The following DHRS7B variants were observed in gnomAD, a reference collection of about 807,000 sequenced individuals.
DHRS7B encodes peroxisomal reductase activating PPAR-gamma.
DHRS7B carries 24 observed loss-of-function variants against 26.4 expected under a neutral mutation model. That is an observed-to-expected ratio of 0.91 (90% CI 0.66 to 1.28). The LOEUF (loss-of-function observed/expected upper bound fraction) is 1.28, where lower values mean the gene tolerates loss of function less well. Among genes scored for constraint, DHRS7B ranks in the 50% most tolerant of loss-of-function variants. The pLI is 0.00. For synonymous variants in DHRS7B, 142 were observed against 166.4 expected, an observed-to-expected ratio of 0.85 and a Z score of 1.13; for missense variants, 368 against 419.4, an observed-to-expected ratio of 0.88 and a Z score of 1.07.
chr17:21,160,521 T>C (rs1168721285), intron 1 of DHRS7B, among the ~76,000 whole-genome samples: 2 of 152,092 alleles, frequency 1.3e-5, no homozygotes, highest in African/African-American at 4.8e-5. Flanking sequence ...AAAATGACAG[T>C]GAGATACCAC....
chr17:21,152,659 C>G (rs1202562952), intron 1 of DHRS7B, among the ~76,000 whole-genome samples: 1 of 152,188 alleles, frequency 6.6e-6, no homozygotes, highest in Non-Finnish European at 1.5e-5. Context: ...TGAAATATGC[C>G]AGAGCATTCT....
intron 1 of DHRS7B, chr17:21,166,463 C>T (rs943921521): frequency 3.0e-6 from 3 of 985,032 alleles, no homozygotes; most frequent in African/African-American, 3.5e-5. Context: ...AAGGTAGCTG[C>T]CATCTGAGGT....
intron 1 of DHRS7B, among the ~76,000 whole-genome samples, chr17:21,148,083 T>C (rs993364902): frequency 2.0e-4 from 30 of 152,052 alleles, no homozygotes; most frequent in Non-Finnish European, 2.9e-5. Context: ...TTGAAATTTA[T>C]TTTATACTTT....
intron 1 of DHRS7B, among the ~76,000 whole-genome samples, chr17:21,167,032 A>G (rs1218441184): frequency 6.6e-6 from 1 of 151,914 alleles, no homozygotes; most frequent in East Asian, 1.9e-4. Flanking sequence ...AATGCTCGAG[A>G]GAAAGGAATC....
At chr17:21,137,865 T>C (rs1466811964) in intron 1 of DHRS7B, among the ~76,000 whole-genome samples, 1 of 149,822 alleles carries the variant, frequency 6.7e-6, no homozygotes, top group Non-Finnish European at 1.5e-5. Flanking sequence ...CCCATAGTTC[T>C]GGGATTACAG....
In DHRS7B at chr17:21,150,392, G is replaced by A. The variant is rs1260216966; in HGVS notation, c.21-21626G>A. 4.6e-5 allele frequency among the ~76,000 whole-genome samples: 7 copies of A among 152,142 alleles called. No homozygotes were observed. In the East Asian group the frequency reaches 1.3e-3, roughly 29 times the overall value. On this transcript the variant is annotated intron_variant, in intron 1 of 6. Transcript: ENST00000395511. Reference sequence around the variant, plus strand: ...AGCACTTTGGGAGGCTGAGGCGGGTGGATCACCTGAGGTCAGGAGTTTGAG... The same window carrying A: ...AGCACTTTGGGAGGCTGAGGCGGGTAGATCACCTGAGGTCAGGAGTTTGAG...
At chr17:21,163,159 G>T (rs1487365424) in intron 1 of DHRS7B, among the ~76,000 whole-genome samples, 1 of 150,632 alleles carries the variant, frequency 6.6e-6, no homozygotes, top group Non-Finnish European at 1.5e-5. Flanking sequence ...TCGCGCCACT[G>T]CACTACAGCC....
intron 1 of DHRS7B, among the ~76,000 whole-genome samples, chr17:21,134,335 A>G (rs141180271): frequency 2.0e-5 from 3 of 152,308 alleles, no homozygotes; most frequent in Non-Finnish European, 4.4e-5. Context: ...CTTGTTCCAT[A>G]GGAGGAATCT....
Position 21,183,749 on chromosome 17 carries a change from A to G in DHRS7B, c.465A>G (p.Thr155=). ...ACCGTGGTACCATCATGGACACCAC[A>G]GTGGATGTGGACAAGAGGGTCATGG... The part of the protein sequence containing the change: ...ISYRGTIMDT[T]VDVDKRVMET... The change falls in exon 4 of 7, where the codon ACA becomes ACG. Residue 155 remains threonine, a synonymous_variant. Transcript: ENST00000395511. 1 of 1,614,260 alleles carries G rather than the reference A, an allele frequency of 6.2e-7. No homozygotes were observed. The highest frequency in any genetic ancestry group is 8.5e-7 in the Non-Finnish European group (1 of 1,180,048).
chr17:21,155,997 G>C (rs1048401693), intron 1 of DHRS7B, among the ~76,000 whole-genome samples: 4 of 152,126 alleles, frequency 2.6e-5, no homozygotes, highest in Admixed American at 2.6e-4. Flanking sequence ...TTGAATGTAT[G>C]TATTAGAAAA....
intron 1 of DHRS7B, among the ~76,000 whole-genome samples, chr17:21,150,219 T>G (rs757795629): frequency 6.6e-6 from 1 of 150,924 alleles, no homozygotes; most frequent in Non-Finnish European, 1.5e-5. Context: ...CTGGTAAATC[T>G]CCTAGAAAAC....
chr17:21,133,109 A>G (rs1973274332), intron 1 of DHRS7B, among the ~76,000 whole-genome samples: 1 of 152,236 alleles, frequency 6.6e-6, no homozygotes, highest in South Asian at 2.1e-4. Flanking sequence ...TGTGTATTTC[A>G]GTGTCTGGCA....
chr17:21,183,611 T>G lies in DHRS7B; in HGVS notation c.327T>G (p.Pro109=). 1 of 1,613,294 alleles carries G rather than the reference T, an allele frequency of 6.2e-7. No homozygotes were observed. The highest frequency in any genetic ancestry group is 1.1e-5 in the South Asian group (1 of 91,042). The change falls in exon 4 of 7, where the codon CCT becomes CCG. Residue 109 remains proline, a synonymous_variant. Transcript: ENST00000395511. The stretch of plus-strand genomic sequence containing the variant: ...TTGACCAGGTGCAGACACACAAGCC[T>G]TACTTGGTGACCTTCGACCTCACAG... ...SHATKVQTHK[P]YLVTFDLTDS...
intron 1 of DHRS7B, among the ~76,000 whole-genome samples, chr17:21,141,865 A>G (rs1325519494): frequency 6.6e-6 from 1 of 152,128 alleles, no homozygotes; most frequent in East Asian, 1.9e-4. Flanking sequence ...TTGTGCCATA[A>G]AGGTAGCTGA....
intron 1 of DHRS7B, among the ~76,000 whole-genome samples, chr17:21,164,683 A>G (rs1032754141): frequency 2.6e-5 from 4 of 152,176 alleles, no homozygotes; most frequent in African/African-American, 9.7e-5. Context: ...TATCACAATT[A>G]TTTAATTTTT....
Position 21,159,071 on chromosome 17 carries a change from A to G in DHRS7B, c.21-12947A>G, listed in dbSNP as rs191394336. 3.1e-4 allele frequency among the ~76,000 whole-genome samples: 47 copies of G among 152,284 alleles called. No individual in the cohort carries two copies. The East Asian group carries it at 8.9e-3, about 29-fold the overall frequency. On this transcript the variant is annotated intron_variant, in intron 1 of 6. Coordinates refer to ENST00000395511, the MANE Select transcript of DHRS7B (RefSeq NM_015510.5). ...AACCATGAAACTGCTAGAAGATAAC[A>G]TAAGAGAAAATTTGATGACCTCGGG...
At chr17:21,155,831 ATAGT>A (rs796877972) in intron 1 of DHRS7B, among the ~76,000 whole-genome samples, 26 of 152,352 alleles carry the variant, frequency 1.7e-4, no homozygotes, top group African/African-American at 2.9e-4. Flanking sequence ...AATCCCCCAA[ATAGT>A]TAGTGATTAA....
rs538971297 is a variant in DHRS7B at position 21,188,687 on chromosome 17, C to T, written c.620-24C>T. The T allele has an allele frequency of 3.5e-5, 54 of 1,555,676 alleles. No homozygotes were observed. The Middle Eastern group carries it at 1.1e-3, about 32-fold the overall frequency. ...TGCCCACCCCAGCGCACTCAGTCAC[C>T]TGCCTCTCCGTCCACATGTGTAGAT... On this transcript the variant is annotated intron_variant, in intron 5 of 6. Coordinates refer to ENST00000395511, the MANE Select transcript of DHRS7B (RefSeq NM_015510.5).
chr17:21,129,678 C>T (rs1161738934), intron 1 of DHRS7B, among the ~76,000 whole-genome samples: 2 of 129,174 alleles, frequency 1.5e-5, no homozygotes, highest in Non-Finnish European at 3.1e-5. Context: ...GCACTCCAGC[C>T]TGGGCAGCAG....
Sources: allele counts gnomAD v4.1 joint callset (sites outside exome capture counted in the v4.1 genomes callset), GRCh38; gene constraint gnomAD v4.1.1; transcripts MANE v1.5; gene names NCBI Gene and HGNC (gene_info 2026-07-23, HGNC 2026-07-21).